The following RBM47 variants were observed in gnomAD, a reference collection of about 807,000 sequenced individuals.
RBM47 encodes the protein RNA-binding protein 47.
RBM47 carries 21 observed loss-of-function variants against 47.1 expected under a neutral mutation model. That is an observed-to-expected ratio of 0.45 (90% CI 0.32 to 0.64). The LOEUF (loss-of-function observed/expected upper bound fraction) is 0.64, where lower values mean the gene tolerates loss of function less well. Ranked by LOEUF, RBM47 falls within the 30% of genes least tolerant of loss-of-function variation. The pLI, the probability that RBM47 is intolerant of heterozygous loss-of-function variation, is 0.05. For missense variants in RBM47, 708 were observed against 870.9 expected, an observed-to-expected ratio of 0.81 and a Z score of 2.35; for synonymous variants, 375 against 361.7, an observed-to-expected ratio of 1.04 and a Z score of -0.42.
chr4:40,566,204 A>G (rs889368648), intron 1 of RBM47, among the ~76,000 whole-genome samples: 2 of 152,226 alleles, frequency 1.3e-5, no homozygotes, highest in Admixed American at 6.5e-5. Context: ...GAACTGCTTC[A>G]GGAATAAGTA....
At chr4:40,548,519 A>G (rs1262343223) in intron 1 of RBM47, among the ~76,000 whole-genome samples, 1 of 152,236 alleles carries the variant, frequency 6.6e-6, no homozygotes, top group East Asian at 1.9e-4. Context: ...CTGTCTGGAG[A>G]CAAAGAAGGC....
intron 1 of RBM47, among the ~76,000 whole-genome samples, chr4:40,567,900 T>C (rs1731246112): frequency 6.6e-6 from 1 of 152,000 alleles, no homozygotes; most frequent in Admixed American, 6.6e-5. Context: ...ATTTACATGT[T>C]AAACTACAGC....
At chr4:40,496,731 T>C (rs1722646561) in intron 2 of RBM47, among the ~76,000 whole-genome samples, 1 of 152,190 alleles carries the variant, frequency 6.6e-6, no homozygotes, top group African/African-American at 2.4e-5. Context: ...GTACCATTCC[T>C]GCTTTTAGCA....
At chr4:40,620,904 G>A (rs1370621404) in intron 1 of RBM47, among the ~76,000 whole-genome samples, 2 of 151,726 alleles carry the variant, frequency 1.3e-5, no homozygotes, top group East Asian at 1.9e-4. Flanking sequence ...AAAGAACTAT[G>A]AACATTAGCT....
Position 40,480,133 on chromosome 4 carries a change from A to AT in RBM47, c.-154-13435dup, listed in dbSNP as rs1295828881. On this transcript the variant is annotated intron_variant, in intron 2 of 6. Coordinates refer to ENST00000295971, the MANE Select transcript of RBM47 (RefSeq NM_001098634.2). Reference sequence around the variant, plus strand: ...GCTGGGATTACAGGTGTCCGCCACCATGCCTGACTAATTTTTGTATTTTCA... The same window carrying AT: ...GCTGGGATTACAGGTGTCCGCCACCATTGCCTGACTAATTTTTGTATTTTCA... Among the ~76,000 whole-genome samples the AT allele has an allele frequency of 3.8e-4, 58 of 151,998 alleles. 1 individual carries two copies. In the South Asian group the frequency reaches 4.0e-3, roughly 10 times the overall value.
rs756321068 is a variant in RBM47 at position 40,436,654 on chromosome 4, A to G, written c.1124-7T>C. On this transcript the variant is annotated splice_polypyrimidine_tract_variant and splice_region_variant and intron_variant, in intron 4 of 6. Transcript: ENST00000295971. ...CGGCCTCTTATGCTGCCTGCTTGTA[A>G]TAACAACACAAAAGATGATCAGCAA... 1.7e-5 allele frequency: 28 copies of G among 1,613,242 alleles called. No individual in the cohort carries two copies. In the East Asian group the frequency reaches 5.8e-4, roughly 33 times the overall value.
intron 1 of RBM47, among the ~76,000 whole-genome samples, chr4:40,573,988 T>C (rs868435466): frequency 2.6e-5 from 4 of 152,228 alleles, no homozygotes; most frequent in African/African-American, 7.2e-5. Context: ...TTAAAGGCTA[T>C]GGTGGATCAG....
chr4:40,477,693 T>C (rs1211227635), intron 2 of RBM47, among the ~76,000 whole-genome samples: 3 of 152,158 alleles, frequency 2.0e-5, no homozygotes, highest in Admixed American at 6.5e-5. Context: ...CTCAGGATGA[T>C]GAATTTTAAG....
At chr4:40,439,260 T>G (rs1272361200) in intron 3 of RBM47, among the ~76,000 whole-genome samples, 1 of 152,238 alleles carries the variant, frequency 6.6e-6, no homozygotes, top group African/African-American at 2.4e-5. Context: ...GCTTCATTCC[T>G]GCACCGTTAA....
intron 2 of RBM47, among the ~76,000 whole-genome samples, chr4:40,510,412 C>T (rs896144943): frequency 2.0e-5 from 3 of 151,962 alleles, no homozygotes; most frequent in African/African-American, 4.8e-5. Flanking sequence ...TTTTTGAACA[C>T]GTGGGATATG....
At chr4:40,590,590 T>C (rs1734045982) in intron 1 of RBM47, among the ~76,000 whole-genome samples, 1 of 152,200 alleles carries the variant, frequency 6.6e-6, no homozygotes, top group African/African-American at 2.4e-5. Context: ...GCTTTTAGCT[T>C]TGTTGTGGTT....
intron 2 of RBM47, among the ~76,000 whole-genome samples, chr4:40,483,401 G>A (rs1317741023): frequency 6.6e-6 from 1 of 152,206 alleles, no homozygotes; most frequent in South Asian, 2.1e-4. Flanking sequence ...GCGGGGTAGC[G>A]GAAGCAGAGG....
At chr4:40,462,826 G>A (rs1263089296) in intron 3 of RBM47, among the ~76,000 whole-genome samples, 1 of 152,046 alleles carries the variant, frequency 6.6e-6, no homozygotes, top group Non-Finnish European at 1.5e-5. Context: ...AGACCTAAAT[G>A]TAAGAGCTAA....
chr4:40,430,311 C>A (rs1330021814), intron 6 of RBM47, among the ~76,000 whole-genome samples: 1 of 152,066 alleles, frequency 6.6e-6, no homozygotes, highest in Non-Finnish European at 1.5e-5. Flanking sequence ...ATAGTCAGGA[C>A]ATGATTATGG....
intron 3 of RBM47, among the ~76,000 whole-genome samples, chr4:40,465,282 G>T (rs992138520): frequency 1.3e-5 from 2 of 152,180 alleles, no homozygotes; most frequent in Non-Finnish European, 1.5e-5. Flanking sequence ...AGGTCAGGGT[G>T]AAGCTAATCT....
chr4:40,474,648 C>T (rs539779809), intron 2 of RBM47, among the ~76,000 whole-genome samples: 2 of 152,246 alleles, frequency 1.3e-5, no homozygotes, highest in East Asian at 3.9e-4. Context: ...TCAAATGGTG[C>T]CATCTCTCAT....
intron 1 of RBM47, among the ~76,000 whole-genome samples, chr4:40,558,444 C>T (rs528170727): frequency 6.7e-5 from 10 of 148,796 alleles, no homozygotes; most frequent in Non-Finnish European, 1.3e-4. Context: ...TTCAGGAGGC[C>T]GAGGCAGGTG....
intron 1 of RBM47, among the ~76,000 whole-genome samples, chr4:40,625,615 A>C (rs1737670631): frequency 6.6e-6 from 1 of 152,154 alleles, no homozygotes; most frequent in African/African-American, 2.4e-5. Flanking sequence ...CTCAGGGAAT[A>C]TGAGCAAAAC....
chr4:40,559,242 G>A (rs1730384420), intron 1 of RBM47, among the ~76,000 whole-genome samples: 1 of 152,112 alleles, frequency 6.6e-6, no homozygotes, highest in African/African-American at 2.4e-5. Context: ...TCTATTTCTG[G>A]CAAATAGAAG....
Sources: gnomAD v4.1 joint callset for allele counts (sites outside exome capture counted in the v4.1 genomes callset) on GRCh38, gnomAD v4.1.1 for gene constraint, MANE v1.5 for transcripts, NCBI Gene and HGNC (gene_info 2026-07-23, HGNC 2026-07-21) for gene names.